CACNA2D1: variants seen among roughly 807,000 people sequenced by gnomAD.
CACNA2D1 encodes the protein voltage-dependent calcium channel subunit alpha-2/delta-1.
In CACNA2D1, 53 loss-of-function variants were observed where a neutral mutation model predicts 171.5. The ratio of observed to expected loss-of-function variants is 0.31; its 90% CI spans 0.25 to 0.39. CACNA2D1 has a LOEUF of 0.39. Among genes scored for constraint, CACNA2D1 ranks in the 10% least tolerant of loss-of-function variants. The pLI is 1.00. For synonymous variants in CACNA2D1, 442 were observed against 443.1 expected (o/e 1.00, Z 0.03); for missense variants, 903 against 1,299.8 (o/e 0.69, Z 4.69).
At chr7:82,433,095 A>G (rs1191764331) in intron 1 of CACNA2D1, among the ~76,000 whole-genome samples, 1 of 152,056 alleles carries the variant, frequency 6.6e-6, no homozygotes, top group Non-Finnish European at 1.5e-5. Context: ...GGCTGAGACA[A>G]AAAAATCACT....
chr7:82,230,290 G>A (rs867870799), intron 3 of CACNA2D1, among the ~76,000 whole-genome samples: 2 of 152,112 alleles, frequency 1.3e-5, no homozygotes, highest in Non-Finnish European at 2.9e-5. Context: ...TCCACATTTG[G>A]TGTCTAGTTT....
rs1792377857 is a variant in CACNA2D1 at position 81,950,397 on chromosome 7, A to G, written c.3271T>C (p.Leu1091=). The change falls in exon 39 of 39, where the codon TTA becomes CTA. Residue 1091 remains leucine (L), a synonymous_variant. Coordinates refer to ENST00000356860, the MANE Select transcript of CACNA2D1 (RefSeq NM_000722.4). ...WLVSGSTHRL[L] ...CAGATTTGGTTTTTAGAAGGTCATA[A>G]CAGGCGGTGTGTGCTGCCAGATACC... 6.2e-7 allele frequency: 1 copy of G among 1,613,200 alleles called. No individual in the cohort carries two copies. Among genetic ancestry groups the G allele is most frequent in the Non-Finnish European group, 8.5e-7 (1 of 1,179,530 alleles).
At chr7:82,009,679 A>C (rs1392740664) in intron 15 of CACNA2D1, among the ~76,000 whole-genome samples, 1 of 152,128 alleles carries the variant, frequency 6.6e-6, no homozygotes, top group Non-Finnish European at 1.5e-5. Flanking sequence ...GCCTAAAGTG[A>C]GTTACTAGAT....
Position 82,032,834 on chromosome 7 carries a change from G to T in CACNA2D1, c.1106C>A (p.Ala369Asp). ...ATTGTATTTGTTAAATATCTCCTGG[G>T]CTCTCTCTTCTCCTCCATCCGTGAA... Reference protein sequence around the residue: ...MLFTDGGEERAQEIFNKYNKD... With the variant: ...MLFTDGGEERDQEIFNKYNKD... Residue 369 changes from alanine (A) to aspartate (D), a missense_variant, in exon 12 of 39, where the codon GCC (alanine) becomes GAC (aspartate). Around this residue, in one of 5 missense-constraint regions of CACNA2D1, gnomAD observed 623 missense variants for 925.5 expected, o/e 0.67. Coordinates refer to ENST00000356860, the MANE Select transcript of CACNA2D1 (RefSeq NM_000722.4). 1 of 1,588,328 alleles carries T rather than the reference G, an allele frequency of 6.3e-7. No homozygotes were observed. Among genetic ancestry groups the T allele is most frequent in the Non-Finnish European group, 8.6e-7 (1 of 1,158,640 alleles).
rs137970537 is a variant in CACNA2D1, at chr7:82,108,918, G to C, written c.526+8126C>G. Among the ~76,000 whole-genome samples the C allele has an allele frequency of 6.6e-5, 10 of 152,204 alleles. No homozygotes were observed. The East Asian group carries it at 1.4e-3, about 21-fold the overall frequency. ...CCATTTCCCTGCTCGCACCTAATGA[G>C]AAACAATGTTAATTATGTAAGCTAA... On this transcript the variant is annotated intron_variant, in intron 6 of 38. Coordinates refer to ENST00000356860, the MANE Select transcript of CACNA2D1 (RefSeq NM_000722.4).
chr7:82,379,537 G>T (rs1045437678), intron 1 of CACNA2D1, among the ~76,000 whole-genome samples: 2 of 152,144 alleles, frequency 1.3e-5, no homozygotes, highest in African/African-American at 4.8e-5. Flanking sequence ...GAACTTCTCT[G>T]AAAAGGACAT....
intron 3 of CACNA2D1, among the ~76,000 whole-genome samples, chr7:82,232,580 G>C (rs538477598): frequency 2.0e-5 from 3 of 151,912 alleles, no homozygotes; most frequent in Non-Finnish European, 4.4e-5. Context: ...ATTAAGACTT[G>C]GTTGGCCGGG....
chr7:81,969,841 TA>T, intron 28 of CACNA2D1, 39 bp downstream of exon 28: 1 of 1,158,782 alleles, frequency 8.6e-7, no homozygotes, highest in Non-Finnish European at 1.3e-6. Flanking sequence ...ATTTATTATT[TA>T]AAAAATTGAG....
chr7:82,307,104 G>A (rs1351514656), intron 3 of CACNA2D1, among the ~76,000 whole-genome samples: 2 of 152,042 alleles, frequency 1.3e-5, no homozygotes, highest in African/African-American at 4.8e-5. Flanking sequence ...AGAGAGATGT[G>A]GATGTAAATT....
chr7:82,442,740 T>C (rs1409637026), intron 1 of CACNA2D1, among the ~76,000 whole-genome samples: 1 of 152,168 alleles, frequency 6.6e-6, no homozygotes, highest in Non-Finnish European at 1.5e-5. Context: ...TTTCAAATAA[T>C]GGGTTGGGGA....
At chr7:82,079,072 T>A (rs1563012091) in intron 7 of CACNA2D1, among the ~76,000 whole-genome samples, 1 of 152,162 alleles carries the variant, frequency 6.6e-6, no homozygotes, top group Non-Finnish European at 1.5e-5. Flanking sequence ...CTGTTTTGAG[T>A]CAGCACTGCA....
At position 82,066,615 on chromosome 7, in the gene CACNA2D1, A is replaced by G. The variant is rs1362494283; in HGVS notation, c.659-91T>C. ...CTTTAAAAATCACAAAAAGCAATAGATACATAATTTCACTTACGTACTTCA... is the reference window on the plus strand; with the variant it reads ...CTTTAAAAATCACAAAAAGCAATAGGTACATAATTTCACTTACGTACTTCA... On this transcript the variant is annotated intron_variant, in intron 7 of 38. Transcript: ENST00000356860. The G allele has an allele frequency of 4.0e-6, 6 of 1,483,846 alleles. No homozygotes were observed. In the African/African-American group the frequency reaches 5.7e-5, roughly 14 times the overall value. 91.9% of individuals were successfully genotyped at this position (1,483,846 alleles called of 1,614,324 possible).
intron 21 of CACNA2D1, among the ~76,000 whole-genome samples, chr7:81,987,110 G>A (rs1414759531): frequency 6.6e-6 from 1 of 152,160 alleles, no homozygotes; most frequent in Non-Finnish European, 1.5e-5. Flanking sequence ...CATCTACTAT[G>A]CGTTTTGTTG....
intron 3 of CACNA2D1, among the ~76,000 whole-genome samples, chr7:82,208,819 A>G (rs1469188753): frequency 6.6e-6 from 1 of 152,172 alleles, no homozygotes; most frequent in African/African-American, 2.4e-5. Context: ...AAAACTGCTA[A>G]GAGAGTACAT....
intron 3 of CACNA2D1, among the ~76,000 whole-genome samples, chr7:82,309,571 T>G (rs191816154): frequency 4.3e-4 from 65 of 152,300 alleles, no homozygotes; most frequent in African/African-American, 1.5e-3. Context: ...TTATGCTTGT[T>G]TAATTTCTCT....
chr7:82,377,817 C>T (rs1310940556), intron 1 of CACNA2D1, among the ~76,000 whole-genome samples: 1 of 152,136 alleles, frequency 6.6e-6, no homozygotes, highest in Admixed American at 6.5e-5. Flanking sequence ...TTTCTTTCTA[C>T]GGTTGATGTT....
At chr7:82,314,468 T>C (rs1301598356) in intron 3 of CACNA2D1, among the ~76,000 whole-genome samples, 1 of 152,200 alleles carries the variant, frequency 6.6e-6, no homozygotes, top group African/African-American at 2.4e-5. Flanking sequence ...TTTGTTCCTA[T>C]AGTCAGCACA....
At chr7:82,188,350 T>C (rs1473720567) in intron 3 of CACNA2D1, among the ~76,000 whole-genome samples, 2 of 152,102 alleles carry the variant, frequency 1.3e-5, no homozygotes, top group African/African-American at 4.8e-5. Flanking sequence ...TAATATCTGG[T>C]AGGTGAGATA....
Position 81,982,606 on chromosome 7 carries a change from T to C in CACNA2D1, c.1916A>G (p.Asp639Gly). 1 of 1,608,872 alleles carries C rather than the reference T, an allele frequency of 6.2e-7. No homozygotes were observed. The highest frequency in any genetic ancestry group is 8.5e-7 in the Non-Finnish European group (1 of 1,175,560). The change falls in exon 24 of 39, where the codon GAT becomes GGT. Residue 639 changes from aspartate to glycine, a missense_variant. Asp to Gly is a moderately conservative substitution (Grantham distance 94). Transcript: ENST00000356860. ...KMKDSETLKP[D>G]NFEESGYTFI... ...TGTATAGCCAGATTCTTCAAAATTA[T>C]CTGGCTTCAGGGTTTCCGAATCTGC...
Sources: gnomAD v4.1 joint callset for allele counts (sites outside exome capture counted in the v4.1 genomes callset) on GRCh38, gnomAD v4.1.1 for gene constraint, gnomAD v4.1.1 regional missense constraint, MANE v1.5 for transcripts, NCBI Gene and HGNC (gene_info 2026-07-23, HGNC 2026-07-21) for gene names.